Variants in RBM33 observed in about 807,000 individuals in gnomAD.
RBM33 encodes the protein RNA-binding protein 33.
In RBM33, 28 loss-of-function variants were observed where a neutral mutation model predicts 132.6. The observed-to-expected ratio is 0.21, with a 90% CI of 0.16 to 0.29. The LOEUF is 0.29. Ranked by LOEUF, RBM33 falls within the 10% of genes least tolerant of loss-of-function variation. The probability of loss-of-function intolerance (pLI) is 1.00; values close to 1 mark genes in which losing one functional copy is unlikely to be tolerated. For missense variants in RBM33, 1,291 were observed against 1,518.5 expected (o/e 0.85, Z 2.49); for synonymous variants, 634 against 593.0 (o/e 1.07, Z -1.01).
chr7:155,683,596 C>T (rs1799394672), intron 5 of RBM33, among the ~76,000 whole-genome samples: 1 of 152,160 alleles, frequency 6.6e-6, no homozygotes, highest in Admixed American at 6.6e-5. Flanking sequence ...AAGCGAGGTC[C>T]AGAGACATCA....
chr7:155,773,560 T>TC (rs1250581110), intron 16 of RBM33, among the ~76,000 whole-genome samples: 1 of 91,186 alleles, frequency 1.1e-5, no homozygotes, highest in Non-Finnish European at 1.9e-5. Context: ...AGTGCGAGAC[T>TC]CCATCTCCAA....
chr7:155,680,566 T>G, intron 4 of RBM33, 24 bp from the exon 5 acceptor site: 3 of 1,497,352 alleles, frequency 2.0e-6, no homozygotes, highest in Middle Eastern at 1.7e-4. Flanking sequence ...GGGTGCTTTT[T>G]TTTTTTATTT....
At chr7:155,674,142 T>C (rs1471457433) in intron 3 of RBM33, among the ~76,000 whole-genome samples, 1 of 151,676 alleles carries the variant, frequency 6.6e-6, no homozygotes, top group African/African-American at 2.4e-5. Flanking sequence ...CACTTAAGAG[T>C]TAGTGTGGTT....
chr7:155,733,722 G>A (rs1248659898), intron 9 of RBM33, among the ~76,000 whole-genome samples: 1 of 152,164 alleles, frequency 6.6e-6, no homozygotes, highest in Non-Finnish European at 1.5e-5. Flanking sequence ...GTGAAGGAGC[G>A]CTTGCTCAGC....
At chr7:155,746,032 G>T (rs544817318) in intron 14 of RBM33, among the ~76,000 whole-genome samples, 1 of 152,180 alleles carries the variant, frequency 6.6e-6, no homozygotes. Context: ...TCATGGGACC[G>T]CCTTTGCAGG....
chr7:155,754,994 AT>A (rs1801804077), intron 14 of RBM33, among the ~76,000 whole-genome samples: 1 of 152,226 alleles, frequency 6.6e-6, no homozygotes, highest in Non-Finnish European at 1.5e-5. Context: ...GAGCCTGTTT[AT>A]TAATATTTTC....
chr7:155,774,424 G>A lies in RBM33; in HGVS notation c.3376-135G>A. ...AGACAAATTGCCAGGGAGCTAGAAA[G>A]GAAAATCAATTAGTGTGTTCCAAAT... is the stretch of plus-strand genomic sequence containing the variant. On this transcript the variant is annotated intron_variant, in intron 16 of 17. Coordinates refer to ENST00000401878, the MANE Select transcript of RBM33 (RefSeq NM_053043.3). This position sits in a 1 kb window ranked among gnomAD's most constrained non-coding sequence, Gnocchi z 4.2. 1.6e-6 allele frequency: 1 copy of A among 628,894 alleles called. No homozygotes were observed. The highest frequency in any genetic ancestry group is 2.7e-6 in the Non-Finnish European group (1 of 364,302). 39.0% of individuals were successfully genotyped at this position (628,894 alleles called of 1,614,324 possible).
At chr7:155,750,947 G>C (rs906081751) in intron 14 of RBM33, among the ~76,000 whole-genome samples, 5 of 152,236 alleles carry the variant, frequency 3.3e-5, no homozygotes, top group Middle Eastern at 3.4e-3. Context: ...TGATGCTCTT[G>C]TATTTTATTT....
At chr7:155,659,596 G>A (rs535828099) in intron 1 of RBM33, among the ~76,000 whole-genome samples, 32 of 152,026 alleles carry the variant, frequency 2.1e-4, no homozygotes, top group African/African-American at 7.2e-4. Flanking sequence ...AAGGACCTAC[G>A]GGACACCACC....
chr7:155,687,836 T>A (rs886824247), intron 5 of RBM33, among the ~76,000 whole-genome samples: 5 of 152,216 alleles, frequency 3.3e-5, no homozygotes. Flanking sequence ...TTTGTCGGTA[T>A]CTCTGTTTTG....
chr7:155,747,930 G>A (rs954421816), intron 14 of RBM33, among the ~76,000 whole-genome samples: 1 of 152,204 alleles, frequency 6.6e-6, no homozygotes, highest in Non-Finnish European at 1.5e-5. Flanking sequence ...TGCAAATTGT[G>A]CTTATTTCAG....
At chr7:155,728,737 C>T (rs953015302) in intron 9 of RBM33, among the ~76,000 whole-genome samples, 1 of 152,162 alleles carries the variant, frequency 6.6e-6, no homozygotes, top group African/African-American at 2.4e-5. Flanking sequence ...GATGATAAAA[C>T]ATATGATTAG....
chr7:155,657,068 T>A (rs1242409739), intron 1 of RBM33, among the ~76,000 whole-genome samples: 2 of 152,152 alleles, frequency 1.3e-5, no homozygotes, highest in Non-Finnish European at 2.9e-5. Context: ...TTCATGACTC[T>A]TCATTTGTAT....
intron 1 of RBM33, among the ~76,000 whole-genome samples, chr7:155,657,164 T>G (rs1798515531): frequency 6.6e-6 from 1 of 152,234 alleles, no homozygotes; most frequent in Non-Finnish European, 1.5e-5. Flanking sequence ...GTCTCTCCTT[T>G]GGGAAAATAC....
intron 1 of RBM33, among the ~76,000 whole-genome samples, chr7:155,654,737 A>G (rs1416455090): frequency 6.6e-6 from 1 of 152,236 alleles, no homozygotes; most frequent in Non-Finnish European, 1.5e-5. Flanking sequence ...CTTTACTCAA[A>G]TTTAAGTCAT....
At chr7:155,673,768 G>GCGCGCACACACACACACACA (rs1554469952) in intron 3 of RBM33, among the ~76,000 whole-genome samples, 1 of 132,962 alleles carries the variant, frequency 7.5e-6, no homozygotes, top group African/African-American at 3.2e-5. Context: ...GCGCATGCGC[G>GCGCGCACACACACACACACA]CACACACACA....
chr7:155,654,338 G>T (rs867731703), intron 1 of RBM33, among the ~76,000 whole-genome samples: 41 of 151,432 alleles, frequency 2.7e-4, no homozygotes, highest in Admixed American at 2.4e-3. Flanking sequence ...TTTCTTAATG[G>T]TTGGTTTGTA....
In RBM33 at chr7:155,777,107, T is replaced by C. The variant is rs114833220; in HGVS notation, c.*2066T>C. The C allele has an allele frequency of 2.0e-5, 3 of 152,610 alleles. No individual in the cohort carries two copies. Among genetic ancestry groups the C allele is most frequent in the Non-Finnish European group, 2.9e-5 (2 of 68,018 alleles). 9.5% of individuals were successfully genotyped at this position (152,610 alleles called of 1,614,324 possible). The stretch of plus-strand genomic sequence containing the variant: ...TGTGCTGTGTTTAAAACCAAAAATA[T>C]GCATGTTGTCTCTGAAAAGTAGGCA... On this transcript the variant is annotated 3_prime_UTR_variant, in exon 18 of 18. Coordinates refer to ENST00000401878, the MANE Select transcript of RBM33 (RefSeq NM_053043.3).
intron 5 of RBM33, among the ~76,000 whole-genome samples, chr7:155,682,119 C>T (rs1025184970): frequency 2.0e-5 from 3 of 152,160 alleles, no homozygotes; most frequent in African/African-American, 7.2e-5. Flanking sequence ...TGGGGTTTCC[C>T]CATGTTGCCC....
Sources: gnomAD v4.1 joint callset for allele counts (sites outside exome capture counted in the v4.1 genomes callset) on GRCh38, gnomAD v4.1.1 for gene constraint, Gnocchi (gnomAD v3.1) non-coding constraint, MANE v1.5 for transcripts, NCBI Gene and HGNC (gene_info 2026-07-23, HGNC 2026-07-21) for gene names.